The following NFIA variants were observed in gnomAD, a reference collection of about 807,000 sequenced individuals.
NFIA encodes the protein nuclear factor I A.
A neutral mutation model predicts 62.8 loss-of-function variants in NFIA; 8 were observed. The ratio of observed to expected loss-of-function variants is 0.13; its 90% confidence interval spans 0.07 to 0.23. The LOEUF is 0.23. Ranked by LOEUF, NFIA falls within the 10% of genes least tolerant of loss-of-function variation. NFIA has a pLI of 1.00. For synonymous variants in NFIA, 235 were observed against 238.1 expected, an observed-to-expected ratio of 0.99 and a Z score of 0.12; for missense variants, 410 against 642.1, an observed-to-expected ratio of 0.64 and a Z score of 3.91.
intron 6 of NFIA, among the ~76,000 whole-genome samples, chr1:61,378,199 A>C (rs1002996681): frequency 6.6e-6 from 1 of 152,192 alleles, no homozygotes; most frequent in Admixed American, 6.5e-5. Flanking sequence ...TTGCAGTGAA[A>C]AATTCCCTAA....
intron 2 of NFIA, among the ~76,000 whole-genome samples, chr1:61,261,234 C>T (rs1656754936): frequency 6.6e-6 from 1 of 152,170 alleles, no homozygotes; most frequent in African/African-American, 2.4e-5. Context: ...AAGCCAAATA[C>T]CTTCAAGCTT....
In NFIA at chr1:61,426,133, A is replaced by T. The variant is rs74622440; in HGVS notation, c.1421-332A>T. Among the ~76,000 whole-genome samples, 25 of 152,310 alleles carry T rather than the reference A, an allele frequency of 1.6e-4. No homozygotes were observed. The East Asian group carries it at 4.8e-3, about 29-fold the overall frequency. On this transcript the variant is annotated intron_variant, in intron 9 of 10. Coordinates refer to ENST00000403491, the MANE Select transcript of NFIA (RefSeq NM_001134673.4). The stretch of plus-strand genomic sequence containing the variant: ...CTCCCTCTGCTCTAAAGAATAGGAT[A>T]TCTCTTTCTGACTCCAGAGCTCATG...
At position 61,319,790 on chromosome 1, in the gene NFIA, A is replaced by AACACACACACACAC. The variant is rs58845526; in HGVS notation, c.626-12689_626-12676dup. On this transcript the variant is annotated intron_variant, in intron 3 of 10. Coordinates refer to ENST00000403491, the MANE Select transcript of NFIA (RefSeq NM_001134673.4). ...CAATGATTTCTTCCTGGAAGAATTA[A>AACACACACACACAC]ACACACACACACACACACACACACA... is the stretch of plus-strand genomic sequence containing the variant. 4.9e-3 allele frequency among the ~76,000 whole-genome samples: 679 copies of AACACACACACACAC among 139,568 alleles called. 9 individuals are homozygous for AACACACACACACAC. Among genetic ancestry groups the AACACACACACACAC allele is most frequent in the African/African-American group, 0.017 (616 of 35,540 alleles). The allele number at this position is 139,568 out of a possible 152,430, so 91.6% of individuals were successfully genotyped here.
At chr1:61,382,488 C>T (rs1412230336) in intron 6 of NFIA, among the ~76,000 whole-genome samples, 1 of 152,094 alleles carries the variant, frequency 6.6e-6, no homozygotes, top group African/African-American at 2.4e-5. Context: ...AGAGAACTAC[C>T]ATTATAGTTT....
At chr1:61,449,456 G>A (rs1667966762) in intron 10 of NFIA, among the ~76,000 whole-genome samples, 1 of 152,228 alleles carries the variant, frequency 6.6e-6, no homozygotes, top group Admixed American at 6.5e-5. Context: ...TAGCAACTGT[G>A]ACAGAGGAGA....
intron 2 of NFIA, among the ~76,000 whole-genome samples, chr1:61,162,475 T>C (rs1474053826): frequency 6.6e-6 from 1 of 152,220 alleles, no homozygotes; most frequent in Non-Finnish European, 1.5e-5. Context: ...CCTGGGGTCT[T>C]GAGTCTTGGG....
intron 2 of NFIA, among the ~76,000 whole-genome samples, chr1:61,218,671 G>C (rs1043163179): frequency 6.6e-6 from 1 of 152,124 alleles, no homozygotes; most frequent in Non-Finnish European, 1.5e-5. Context: ...AAATAATGCT[G>C]TATCACAAGC....
chr1:61,354,338 G>A (rs1662712787), intron 5 of NFIA, among the ~76,000 whole-genome samples: 1 of 152,102 alleles, frequency 6.6e-6, no homozygotes, highest in Admixed American at 6.6e-5. Context: ...CAGAATTAAC[G>A]ATGTACAGGT....
rs766411654 is a variant in NFIA, at chr1:61,359,177, T to G, written c.849T>G (p.Asp283Glu). The G allele has an allele frequency of 3.7e-6, 6 of 1,613,418 alleles. No homozygotes were observed. The highest frequency in any genetic ancestry group is 5.1e-6 in the Non-Finnish European group (6 of 1,179,974). ...SSTKRLKSVE[D>E]EMDSPGEEPF... is the part of the protein sequence containing the mutation. ...CAAAGCGCCTCAAGTCTGTGGAGGA[T>G]GAAATGGACAGTCCTGGTGAGGAGC... The change falls in exon 6 of 11, where the codon GAT becomes GAG. Residue 283 changes from aspartate to glutamate, a missense_variant. By Grantham distance (45) the Asp-to-Glu change is conservative. Coordinates refer to ENST00000403491, the MANE Select transcript of NFIA (RefSeq NM_001134673.4).
intron 3 of NFIA, among the ~76,000 whole-genome samples, chr1:61,298,340 T>A (rs1376037761): frequency 6.6e-6 from 1 of 152,116 alleles, no homozygotes; most frequent in Non-Finnish European, 1.5e-5. Context: ...GTGACTCAAG[T>A]ATACCTCTTT....
intron 9 of NFIA, among the ~76,000 whole-genome samples, chr1:61,408,111 T>G (rs1003313721): frequency 6.6e-6 from 1 of 152,222 alleles, no homozygotes. Context: ...TGATAATATA[T>G]GCAGAAATGA....
chr1:61,357,749 A>C (rs969331721), intron 5 of NFIA, among the ~76,000 whole-genome samples: 2 of 152,182 alleles, frequency 1.3e-5, no homozygotes, highest in Non-Finnish European at 2.9e-5. Flanking sequence ...CCTGGCATGT[A>C]GGATGCGCAC....
At chr1:61,226,883 C>T (rs568116610) in intron 2 of NFIA, among the ~76,000 whole-genome samples, 7 of 152,286 alleles carry the variant, frequency 4.6e-5, no homozygotes, top group African/African-American at 1.4e-4. Flanking sequence ...TATGCCATTC[C>T]GACCAGCCAG....
chr1:61,233,569 A>C (rs1366586339), intron 2 of NFIA, among the ~76,000 whole-genome samples: 1 of 152,216 alleles, frequency 6.6e-6, no homozygotes, highest in Non-Finnish European at 1.5e-5. Flanking sequence ...CTGTGAATAG[A>C]AGAATGAATA....
intron 2 of NFIA, among the ~76,000 whole-genome samples, chr1:61,231,083 C>T (rs1026817055): frequency 1.3e-5 from 2 of 152,156 alleles, no homozygotes; most frequent in Admixed American, 1.3e-4. Flanking sequence ...GTGTAAAGCT[C>T]GTTGCATCTC....
At chr1:61,452,581 G>T (rs941830160) in intron 10 of NFIA, among the ~76,000 whole-genome samples, 2 of 152,102 alleles carry the variant, frequency 1.3e-5, no homozygotes, top group Non-Finnish European at 2.9e-5. Context: ...CCCACCACAG[G>T]GCAGCTCAGC....
intron 2 of NFIA, among the ~76,000 whole-genome samples, chr1:61,154,342 G>A (rs1482340962): frequency 6.6e-6 from 1 of 152,128 alleles, no homozygotes; most frequent in African/African-American, 2.4e-5. Context: ...TTTTAGTAGA[G>A]ACAGGGTTTT....
upstream of NFIA, chr1:61,082,543 T>G (rs1220262320): frequency 1.4e-6 from 2 of 1,424,262 alleles, no homozygotes; most frequent in African/African-American, 2.9e-5. Context: ...TATAGTGGAG[T>G]GTAGGGAAAC....
At chr1:61,395,694 C>A (rs1159254861) in intron 7 of NFIA, among the ~76,000 whole-genome samples, 3 of 152,168 alleles carry the variant, frequency 2.0e-5, no homozygotes, top group Admixed American at 1.3e-4. Context: ...CATTTCACAT[C>A]AGCCATCATG....
Sources: allele counts gnomAD v4.1 joint callset (sites outside exome capture counted in the v4.1 genomes callset), GRCh38; gene constraint gnomAD v4.1.1; transcripts MANE v1.5; gene names NCBI Gene and HGNC (gene_info 2026-07-23, HGNC 2026-07-21).